The following TP53BP1 variants were observed in gnomAD, a reference collection of about 807,000 sequenced individuals.
The protein encoded by TP53BP1 is tumor protein p53 binding protein 1, also known as TP53-binding protein 1.
A neutral mutation model predicts 200.8 loss-of-function variants in TP53BP1; 61 were observed. That is an observed-to-expected ratio of 0.30 (90% CI 0.25 to 0.38). The LOEUF (loss-of-function observed/expected upper bound fraction) is 0.38. TP53BP1 is among the 10% of genes least tolerant of loss of function. The probability of loss-of-function intolerance (pLI) is 1.00; values close to 1 mark genes in which losing one functional copy is unlikely to be tolerated. For synonymous variants in TP53BP1, 822 were observed against 844.3 expected (o/e 0.97, Z 0.46); for missense variants, 2,144 against 2,371.9 (o/e 0.90, Z 2.00).
intron 5 of TP53BP1, 117 bp from the exon 6 acceptor site, chr15:43,480,134 C>T: frequency 1.1e-6 from 1 of 891,598 alleles, no homozygotes; most frequent in Non-Finnish European, 1.7e-6. Context: ...CCCTGTGCAC[C>T]CCCCAAATTT....
intron 11 of TP53BP1, among the ~76,000 whole-genome samples, chr15:43,466,141 G>C (rs2046574818): frequency 6.6e-6 from 1 of 152,196 alleles, no homozygotes; most frequent in African/African-American, 2.4e-5. Flanking sequence ...AACCAAGCAA[G>C]AAGATATGAA....
chr15:43,435,706 T>A (rs2045779677), intron 16 of TP53BP1, among the ~76,000 whole-genome samples: 1 of 151,952 alleles, frequency 6.6e-6, no homozygotes, highest in African/African-American at 2.4e-5. Context: ...TTTTTTTTTT[T>A]AATGGATAAG....
Position 43,461,549 on chromosome 15 carries a change from CAT to C in TP53BP1, c.1390-4333_1390-4332del, listed in dbSNP as rs527806742. ...ATAATTTTTAAATTGTGATCTATCA[CAT>C]GATAGAATGTTTTGTGGTCTACATA... On this transcript the variant is annotated intron_variant, in intron 11 of 27. Coordinates refer to ENST00000382044, the MANE Select transcript of TP53BP1 (RefSeq NM_001141980.3). 4.6e-5 allele frequency among the ~76,000 whole-genome samples: 7 copies of C among 152,134 alleles called. No individual in the cohort carries two copies. In the East Asian group the frequency reaches 7.7e-4, roughly 17 times the overall value.
intron 23 of TP53BP1, 53 bp from the exon 24 acceptor site, chr15:43,413,387 A>G: frequency 6.7e-7 from 1 of 1,501,396 alleles, no homozygotes; most frequent in Non-Finnish European, 9.1e-7. Flanking sequence ...TTGCCTCAGC[A>G]AAAGCCTTAA....
At chr15:43,442,555 C>A (rs1334215350) in intron 14 of TP53BP1, among the ~76,000 whole-genome samples, 1 of 151,144 alleles carries the variant, frequency 6.6e-6, no homozygotes, top group Non-Finnish European at 1.5e-5. Flanking sequence ...TAGAGTGCAG[C>A]GGCGTAATCT....
intron 1 of TP53BP1, among the ~76,000 whole-genome samples, chr15:43,507,075 C>G (rs1714803944): frequency 2.6e-5 from 4 of 152,104 alleles, no homozygotes. Flanking sequence ...GTGGAATGTA[C>G]TTTCACTTCA....
At position 43,432,349 on chromosome 15, in the gene TP53BP1, C is replaced by A. The variant is rs2045690867; in HGVS notation, c.3520G>T (p.Ala1174Ser). ...CSLRVPETVS[A>S]ATQTIKNVCE... is the part of the protein sequence containing the mutation. ...ACATTCTTTATAGTCTGGGTTGCTGCTGAAACAGTTTCTGGGACCCTCAAG... is the reference window on the plus strand; with the variant it reads ...ACATTCTTTATAGTCTGGGTTGCTGATGAAACAGTTTCTGGGACCCTCAAG... Residue 1174 changes from alanine (A) to serine (S), a missense_variant, in exon 17 of 28, where the codon GCA (alanine) becomes TCA (serine). Transcript: ENST00000382044. The A allele has an allele frequency of 6.2e-7, 1 of 1,614,110 alleles. No individual in the cohort carries two copies.
At chr15:43,435,309 G>T (rs1002860577) in intron 16 of TP53BP1, among the ~76,000 whole-genome samples, 2 of 144,866 alleles carry the variant, frequency 1.4e-5, no homozygotes, top group Admixed American at 6.9e-5. Context: ...TTGAAATAGG[G>T]AAGAATACAT....
At chr15:43,459,908 C>T (rs1158064711) in intron 11 of TP53BP1, among the ~76,000 whole-genome samples, 1 of 152,168 alleles carries the variant, frequency 6.6e-6, no homozygotes, top group Non-Finnish European at 1.5e-5. Context: ...CAAAACTATA[C>T]TGACAGAAAG....
intron 11 of TP53BP1, among the ~76,000 whole-genome samples, chr15:43,469,263 A>G (rs1352763888): frequency 6.6e-6 from 1 of 152,206 alleles, no homozygotes; most frequent in African/African-American, 2.4e-5. Context: ...ACACATTGGA[A>G]AACTAAAAAC....
intron 10 of TP53BP1, among the ~76,000 whole-genome samples, chr15:43,473,641 G>C (rs765579624): frequency 2.0e-4 from 31 of 152,122 alleles, no homozygotes; most frequent in Non-Finnish European, 3.1e-4. Context: ...GCCAGATACA[G>C]AGTGTGGATT....
At chr15:43,475,786 T>A in intron 8 of TP53BP1, 92 bp from the exon 9 acceptor site, 1 of 1,434,886 alleles carries the variant, frequency 7.0e-7, no homozygotes, top group African/African-American at 1.4e-5. Flanking sequence ...TATCCATATT[T>A]CCAACATATT....
In TP53BP1 at chr15:43,432,745, G is replaced by A. The variant is rs369226704; in HGVS notation, c.3192-68C>T. The A allele has an allele frequency of 2.0e-5, 30 of 1,484,298 alleles. No individual in the cohort carries two copies. In the East Asian group the frequency reaches 2.0e-4, roughly 10 times the overall value. 91.9% of individuals were successfully genotyped at this position (1,484,298 alleles called of 1,614,324 possible). On this transcript the variant is annotated intron_variant, in intron 16 of 27. Transcript: ENST00000382044. ...TGTATGTGTGAACGTGTGTGTGTGC[G>A]TGTGCATGTGTGTGTGTAGTGGCAA...
At chr15:43,451,241 A>T (rs915036762) in intron 12 of TP53BP1, among the ~76,000 whole-genome samples, 1 of 151,718 alleles carries the variant, frequency 6.6e-6, no homozygotes, top group African/African-American at 2.4e-5. Flanking sequence ...TGTGCAGGTT[A>T]GTCACACACG....
rs139186328 is a variant in TP53BP1, at chr15:43,479,884, C to A, written c.633G>T (p.Arg211Ser). 3.1e-6 allele frequency: 5 copies of A among 1,614,058 alleles called. No individual in the cohort carries two copies. The highest frequency in any genetic ancestry group is 4.2e-6 in the Non-Finnish European group (5 of 1,180,034). ...CAGTATTAGCATCCACATCAGACAG[C>A]CTGGTATAACCAGAGTTGGTGGTTA... ...QSVTTNSGYTRLSDVDANTAI... is the reference protein window; with the variant it reads ...QSVTTNSGYTSLSDVDANTAI... Residue 211 changes from arginine to serine, a missense_variant, in exon 6 of 28, where the codon AGG becomes AGT. Arg to Ser is a moderately radical substitution (Grantham distance 110). Transcript: ENST00000382044.
chr15:43,426,078 C>T (rs1346354512), intron 18 of TP53BP1, among the ~76,000 whole-genome samples: 1 of 141,948 alleles, frequency 7.0e-6, no homozygotes. Context: ...AAAAAAAAAA[C>T]AAAAAATATT....
intron 15 of TP53BP1, among the ~76,000 whole-genome samples, chr15:43,440,224 A>C (rs1056914744): frequency 3.3e-5 from 5 of 152,182 alleles, no homozygotes; most frequent in African/African-American, 1.2e-4. Flanking sequence ...TGAGTGGGGC[A>C]CACCCTTTCA....
intron 1 of TP53BP1, among the ~76,000 whole-genome samples, chr15:43,501,560 A>T (rs1376700721): frequency 6.6e-6 from 1 of 152,196 alleles, no homozygotes; most frequent in Non-Finnish European, 1.5e-5. Context: ...TGAAACCTAC[A>T]TATCAATCAA....
intron 12 of TP53BP1, among the ~76,000 whole-genome samples, chr15:43,448,742 G>C (rs545387378): frequency 6.6e-6 from 1 of 151,872 alleles, no homozygotes; most frequent in East Asian, 1.9e-4. Context: ...GGTTTCAAGA[G>C]AAAATGAATT....
Sources: allele counts gnomAD v4.1 joint callset (sites outside exome capture counted in the v4.1 genomes callset), GRCh38; gene constraint gnomAD v4.1.1; transcripts MANE v1.5; gene names NCBI Gene and HGNC (gene_info 2026-07-23, HGNC 2026-07-21).